LRTM3: variants seen among roughly 807,000 people sequenced by gnomAD.
LRTM3 encodes the protein leucine-rich repeat transmembrane protein 3.
chr13:102,729,755 T>C, the LRTM3 span: 2 of 1,551,866 alleles, frequency 1.3e-6, no homozygotes, highest in Non-Finnish European at 1.7e-6. Context: ...TCTTTCTGAC[T>C]CATAATCATA....
the LRTM3 span, chr13:102,734,921 T>A: frequency 6.4e-7 from 1 of 1,551,174 alleles, no homozygotes; most frequent in Non-Finnish European, 8.7e-7. Flanking sequence ...TTTTTGTAGA[T>A]AGATTAAAAT....
the LRTM3 span, chr13:102,729,698 T>C: frequency 6.4e-7 from 1 of 1,552,052 alleles, no homozygotes; most frequent in South Asian, 1.2e-5. Context: ...GATATCGTCA[T>C]GATGAGGTTT....
At chr13:102,755,912 T>TGTGTGG in the LRTM3 span, among the ~76,000 whole-genome samples, 1 of 59,242 alleles carries the variant, frequency 1.7e-5, no homozygotes, top group Non-Finnish European at 4.2e-5. Flanking sequence ...TGTGTGTGTG[T>TGTGTGG]GTGTGTGTGT....
At chr13:102,730,922 C>T in the LRTM3 span, 2 of 1,551,212 alleles carry the variant, frequency 1.3e-6, no homozygotes, top group Middle Eastern at 1.7e-4. Flanking sequence ...TCCTGTGAAA[C>T]CAGGATGAAT....
chr13:102,742,833 C>A, the LRTM3 span: 1 of 1,550,558 alleles, frequency 6.4e-7, no homozygotes, highest in Non-Finnish European at 8.7e-7. Flanking sequence ...AAAGCATTTT[C>A]TTTTAAAACA....
the LRTM3 span, chr13:102,737,407 G>A: frequency 7.7e-6 from 12 of 1,550,734 alleles, no homozygotes; most frequent in South Asian, 1.4e-4. Context: ...AATGTAGGAA[G>A]AGAACTGTTT....
the LRTM3 span, among the ~76,000 whole-genome samples, chr13:102,751,243 C>G: frequency 6.6e-6 from 1 of 151,938 alleles, no homozygotes; most frequent in Non-Finnish European, 1.5e-5. Context: ...ATTCTGTCAG[C>G]AGACAGCCTT....
At chr13:102,737,568 C>T in the LRTM3 span, 1 of 1,550,870 alleles carries the variant, frequency 6.4e-7, no homozygotes, top group East Asian at 2.4e-5. Flanking sequence ...TCCCTTTTCC[C>T]TGGCTCTTTA....
the LRTM3 span, chr13:102,736,668 C>A: frequency 6.4e-7 from 1 of 1,550,674 alleles, no homozygotes; most frequent in Admixed American, 2.0e-5. Context: ...GCCTTTTCCC[C>A]TTGTTGACTG....
At chr13:102,737,767 C>T in the LRTM3 span, 1 of 1,550,812 alleles carries the variant, frequency 6.4e-7, no homozygotes, top group Non-Finnish European at 8.7e-7. Context: ...TTTTCCCTGT[C>T]TCTGATGATT....
At chr13:102,754,034 C>A in the LRTM3 span, among the ~76,000 whole-genome samples, 1 of 151,852 alleles carries the variant, frequency 6.6e-6, no homozygotes, top group African/African-American at 2.4e-5. Context: ...GGTGAAACCC[C>A]AACTCTACTA....
chr13:102,745,939 T>G, the LRTM3 span: 4 of 1,551,110 alleles, frequency 2.6e-6, no homozygotes, highest in Non-Finnish European at 3.5e-6. Flanking sequence ...GTTCCTCATC[T>G]GATTTGACAA....
At chr13:102,733,745 T>G in the LRTM3 span, 4 of 1,551,284 alleles carry the variant, frequency 2.6e-6, no homozygotes, top group Admixed American at 5.9e-5. Flanking sequence ...TAAAACTAAC[T>G]GATTCAAATC....
At chr13:102,734,163 C>T in the LRTM3 span, 3 of 1,551,346 alleles carry the variant, frequency 1.9e-6, no homozygotes, top group Non-Finnish European at 2.6e-6. Context: ...ATCCTTGCCT[C>T]TTGGCAGTGT....
chr13:102,734,957 G>A, the LRTM3 span: 2 of 1,551,136 alleles, frequency 1.3e-6, no homozygotes, highest in Non-Finnish European at 8.7e-7. Context: ...CCTTATACAT[G>A]TGCCTCCCTC....
the LRTM3 span, chr13:102,737,869 A>G: frequency 6.4e-7 from 1 of 1,550,760 alleles, no homozygotes; most frequent in Non-Finnish European, 8.7e-7. Context: ...AATGGGTTAG[A>G]GAAGAATTGG....
At chr13:102,733,720 C>G in the LRTM3 span, 1 of 1,551,308 alleles carries the variant, frequency 6.4e-7, no homozygotes, top group Admixed American at 2.0e-5. Context: ...AATAAATGTC[C>G]TCATCCCGTG....
the LRTM3 span, chr13:102,742,333 A>G: frequency 6.5e-7 from 1 of 1,548,960 alleles, no homozygotes; most frequent in Non-Finnish European, 8.7e-7. Context: ...TCTTTGCCTT[A>G]TCTTTATGTC....
chr13:102,733,750 C>A, the LRTM3 span: 2 of 1,551,366 alleles, frequency 1.3e-6, no homozygotes, highest in Non-Finnish European at 1.7e-6. Flanking sequence ...CTAACTGATT[C>A]AAATCTTCTT....
Sources: gnomAD v4.1 joint callset for allele counts (sites outside exome capture counted in the v4.1 genomes callset) on GRCh38, gnomAD v4.1.1 for gene constraint, MANE v1.5 for transcripts, NCBI Gene and HGNC (gene_info 2026-07-23, HGNC 2026-07-21) for gene names.